RYR2: variants seen among roughly 807,000 people sequenced by gnomAD.
RYR2 encodes the protein ryanodine receptor 2.
RYR2 carries 227 observed loss-of-function variants against 601.1 expected under a neutral mutation model. The ratio of observed to expected loss-of-function variants is 0.38; its 90% CI spans 0.34 to 0.42. RYR2 has a LOEUF of 0.42. RYR2 is among the 10% of genes least tolerant of loss of function. The probability of loss-of-function intolerance (pLI) is 1.00; values close to 1 mark genes in which losing one functional copy is unlikely to be tolerated. For missense variants in RYR2, 4,646 were observed against 6,156.5 expected, an observed-to-expected ratio of 0.75 and a Z score of 8.21; for synonymous variants, 2,223 against 2,175.1, an observed-to-expected ratio of 1.02 and a Z score of -0.61.
At chr1:237,275,584 AC>A (rs913026192) in intron 2 of RYR2, among the ~76,000 whole-genome samples, 11 of 152,168 alleles carry the variant, frequency 7.2e-5, no homozygotes, top group Non-Finnish European at 1.6e-4. Context: ...CAAAGTAGAA[AC>A]CTCAGAAGTT....
intron 1 of RYR2, among the ~76,000 whole-genome samples, chr1:237,069,160 A>G (rs959555458): frequency 6.6e-5 from 10 of 152,144 alleles, no homozygotes; most frequent in Non-Finnish European, 1.0e-4. Context: ...TTTCTAGTCC[A>G]GGCCCTAGAA....
chr1:237,091,226 G>A (rs925411713), intron 1 of RYR2, among the ~76,000 whole-genome samples: 1 of 152,122 alleles, frequency 6.6e-6, no homozygotes, highest in Non-Finnish European at 1.5e-5. Flanking sequence ...AACACAATTG[G>A]CAGCTCTTAC....
intron 73 of RYR2, among the ~76,000 whole-genome samples, chr1:237,719,512 G>A (rs565578632): frequency 8.5e-5 from 13 of 152,186 alleles, no homozygotes; most frequent in African/African-American, 1.4e-4. Context: ...CAGGCATCTC[G>A]CCTGGCAGGA....
intron 1 of RYR2, among the ~76,000 whole-genome samples, chr1:237,069,280 T>C (rs1381638416): frequency 6.6e-6 from 1 of 152,094 alleles, no homozygotes; most frequent in Non-Finnish European, 1.5e-5. Flanking sequence ...GGTTTAGCAA[T>C]AGAACTTAAA....
intron 94 of RYR2, among the ~76,000 whole-genome samples, chr1:237,792,958 C>G (rs1019752583): frequency 5.3e-5 from 8 of 152,172 alleles, no homozygotes; most frequent in South Asian, 2.1e-4. Context: ...AATAATGCAG[C>G]TTTATCCCCA....
At chr1:237,798,583 T>G (rs889739336) in intron 97 of RYR2, among the ~76,000 whole-genome samples, 1 of 152,208 alleles carries the variant, frequency 6.6e-6, no homozygotes, top group Non-Finnish European at 1.5e-5. Context: ...TTTAAAATGT[T>G]CAGAGGAACT....
chr1:237,553,015 G>A (rs543801682), intron 27 of RYR2, among the ~76,000 whole-genome samples: 1 of 152,098 alleles, frequency 6.6e-6, no homozygotes, highest in Admixed American at 6.5e-5. Flanking sequence ...AGGTATGGAA[G>A]GATTTTCTTC....
intron 62 of RYR2, among the ~76,000 whole-genome samples, chr1:237,685,769 T>A (rs1194415838): frequency 6.6e-6 from 1 of 152,182 alleles, no homozygotes; most frequent in African/African-American, 2.4e-5. Context: ...AGCACAAAGA[T>A]AAATAAGGCA....
At chr1:237,157,250 C>G (rs1415236475) in intron 1 of RYR2, among the ~76,000 whole-genome samples, 18 of 120,778 alleles carry the variant, frequency 1.5e-4, no homozygotes, top group Middle Eastern at 7.6e-3. Flanking sequence ...GAGCCAAGAT[C>G]ACACCACTGC....
chr1:237,801,874 G>C lies in RYR2; in HGVS notation c.14109G>C (p.Val4703=), dbSNP rs1203332362. 6.3e-7 allele frequency: 1 copy of C among 1,595,984 alleles called. No homozygotes were observed. Residue 4703 remains valine (V), a synonymous_variant, in exon 98 of 105, where the codon GTG becomes GTC. Transcript: ENST00000366574. ...ATTGCAGACTGAACTCCATTGATGT[G>C]AAGTATCAGATGTGGAAACTAGGAG... ...SLSAVLNSID[V]KYQMWKLGVV...
At position 237,708,843 on chromosome 1, in the gene RYR2, T is replaced by C; in HGVS notation, c.9902-15T>C. ...GGTTTTACAGAGCAGAATACTAATG[T>C]CTGTCTTTAAACAGTGTTTTCCCAG... On this transcript the variant is annotated splice_polypyrimidine_tract_variant and intron_variant, in intron 68 of 104. Coordinates refer to ENST00000366574, the MANE Select transcript of RYR2 (RefSeq NM_001035.3). The C allele has an allele frequency of 6.2e-7, 1 of 1,601,714 alleles. No homozygotes were observed. Among genetic ancestry groups the C allele is most frequent in the Non-Finnish European group, 8.5e-7 (1 of 1,170,886 alleles).
At chr1:237,828,477 T>G (rs370144505) in intron 102 of RYR2, 32 bp downstream of exon 102, 137 of 1,469,198 alleles carry the variant, frequency 9.3e-5, no homozygotes, top group Non-Finnish European at 1.2e-4. Flanking sequence ...TCAGCTTCTT[T>G]GTTGTCCTGG....
intron 41 of RYR2, among the ~76,000 whole-genome samples, chr1:237,630,105 A>G (rs1680095604): frequency 6.6e-6 from 1 of 152,188 alleles, no homozygotes; most frequent in African/African-American, 2.4e-5. Flanking sequence ...TTCTTAACAC[A>G]CAACAGTAAT....
chr1:237,193,218 C>T (rs2149009013), intron 1 of RYR2, among the ~76,000 whole-genome samples: 1 of 145,868 alleles, frequency 6.9e-6, no homozygotes, highest in East Asian at 2.0e-4. Flanking sequence ...GTAATCACAG[C>T]ACTTTGGGAG....
intron 19 of RYR2, among the ~76,000 whole-genome samples, chr1:237,495,305 C>T (rs1033003780): frequency 3.0e-4 from 45 of 152,214 alleles, no homozygotes; most frequent in Non-Finnish European, 6.0e-4. Flanking sequence ...CAAATTTTCT[C>T]TCTTGACTCG....
intron 84 of RYR2, among the ~76,000 whole-genome samples, chr1:237,769,852 T>A (rs1247404484): frequency 6.6e-6 from 1 of 152,154 alleles, no homozygotes; most frequent in Non-Finnish European, 1.5e-5. Flanking sequence ...GGAAGTGTTT[T>A]TTTTCCCCCC....
At chr1:237,250,425 G>A (rs1687330302) in intron 1 of RYR2, among the ~76,000 whole-genome samples, 1 of 152,078 alleles carries the variant, frequency 6.6e-6, no homozygotes, top group Admixed American at 6.6e-5. Context: ...CATTTTCTAT[G>A]GTAATACCAT....
chr1:237,296,417 T>C (rs1301812317), intron 2 of RYR2, among the ~76,000 whole-genome samples: 3 of 152,192 alleles, frequency 2.0e-5, no homozygotes, highest in Non-Finnish European at 4.4e-5. Flanking sequence ...ATAGGGATGG[T>C]AGTAAAGAAA....
chr1:237,569,538 G>A (rs903167804), intron 29 of RYR2, among the ~76,000 whole-genome samples: 13 of 152,154 alleles, frequency 8.5e-5, no homozygotes, highest in Non-Finnish European at 1.9e-4. Flanking sequence ...CTAGAAGGCT[G>A]AAATGGCTTT....
Sources: allele counts gnomAD v4.1 joint callset (sites outside exome capture counted in the v4.1 genomes callset), GRCh38; gene constraint gnomAD v4.1.1; transcripts MANE v1.5; gene names NCBI Gene and HGNC (gene_info 2026-07-23, HGNC 2026-07-21).